The following CELF5 variants were observed in gnomAD, a reference collection of about 807,000 sequenced individuals.
CELF5 encodes CUG-BP and ETR-3 like factor 5.
In CELF5, 6 loss-of-function variants were observed where a neutral mutation model predicts 54.9. That is an observed-to-expected ratio of 0.11 (90% CI 0.06 to 0.22). The LOEUF is 0.22. Ranked by LOEUF, CELF5 falls within the 10% of genes least tolerant of loss-of-function variation. CELF5 has a pLI of 1.00. For synonymous variants in CELF5, 271 were observed against 290.9 expected (o/e 0.93, Z 0.70); for missense variants, 401 against 678.6 (o/e 0.59, Z 4.54).
chr19:3,247,021 C>A (rs544552569), intron 1 of CELF5, among the ~76,000 whole-genome samples: 1 of 152,282 alleles, frequency 6.6e-6, no homozygotes, highest in East Asian at 1.9e-4. Context: ...GTGGGGACAC[C>A]ATCGTGAAGG....
intron 5 of CELF5, among the ~76,000 whole-genome samples, chr19:3,279,052 G>A (rs1159066264): frequency 6.6e-6 from 1 of 152,190 alleles, no homozygotes; most frequent in African/African-American, 2.4e-5. Flanking sequence ...TCCCTTTGGG[G>A]CTAATGTAGA....
At chr19:3,245,006 CGT>C (rs2079545336) in intron 1 of CELF5, among the ~76,000 whole-genome samples, 1 of 114,722 alleles carries the variant, frequency 8.7e-6, no homozygotes, top group Non-Finnish European at 1.8e-5. Flanking sequence ...TGCATCTGTG[CGT>C]GTGTGTGTAG....
intron 1 of CELF5, among the ~76,000 whole-genome samples, chr19:3,244,173 C>T (rs1164224528): frequency 2.0e-5 from 3 of 151,966 alleles, no homozygotes; most frequent in African/African-American, 7.3e-5. Flanking sequence ...CAAGAGATCA[C>T]GGAAGCCATA....
rs2080095866 is a variant in CELF5 at position 3,278,600 on chromosome 19, G to T, written c.603+490G>T. On this transcript the variant is annotated intron_variant, in intron 5 of 12. Coordinates refer to ENST00000292672, the MANE Select transcript of CELF5 (RefSeq NM_021938.4). This position sits in a 1 kb window ranked among gnomAD's most constrained non-coding sequence, Gnocchi z 4.5. ...TGTACATGTGTGTTTCTATGTGTGT[G>T]AGCGTGTGTGTGAGTATGCCTGGGC... is the stretch of plus-strand genomic sequence containing the variant. 6.6e-6 allele frequency among the ~76,000 whole-genome samples: 1 copy of T among 152,054 alleles called. No individual in the cohort carries two copies. The highest frequency in any genetic ancestry group is 2.4e-5 in the African/African-American group (1 of 41,394).
chr19:3,276,831 T>A, intron 4 of CELF5, among the ~76,000 whole-genome samples: 1 of 89,308 alleles, frequency 1.1e-5, no homozygotes, highest in East Asian at 3.9e-4. Context: ...CTCCAGGTGC[T>A]GCCTGTGAGT....
intron 1 of CELF5, among the ~76,000 whole-genome samples, chr19:3,242,813 A>T (rs547141267): frequency 4.6e-5 from 7 of 152,184 alleles, no homozygotes; most frequent in South Asian, 4.2e-4. Context: ...CTAAAAAAAA[A>T]ATTAGCTGGG....
At chr19:3,226,677 C>A (rs1488640141) in intron 1 of CELF5, among the ~76,000 whole-genome samples, 1 of 151,980 alleles carries the variant, frequency 6.6e-6, no homozygotes, top group African/African-American at 2.4e-5. Flanking sequence ...GCCCCCCAAA[C>A]GGTTGCATTG....
At chr19:3,229,435 A>T (rs1036356922) in intron 1 of CELF5, among the ~76,000 whole-genome samples, 2 of 152,172 alleles carry the variant, frequency 1.3e-5, no homozygotes, top group Non-Finnish European at 2.9e-5. Context: ...TGATGGCAAA[A>T]CACACACCAG....
At chr19:3,270,251 C>T (rs796546350) in intron 2 of CELF5, among the ~76,000 whole-genome samples, 5 of 152,170 alleles carry the variant, frequency 3.3e-5, no homozygotes, top group African/African-American at 1.2e-4. Context: ...GGCCCCAGAA[C>T]CAGAGAGTCA....
chr19:3,294,754 G>C (rs549734153), intron 12 of CELF5: 1 of 152,162 alleles, frequency 6.6e-6, no homozygotes, highest in Non-Finnish European at 1.5e-5. Flanking sequence ...CCCCCTTCAC[G>C]GGCCTTAGAT....
rs3046138 is a variant in CELF5, at chr19:3,278,679, TTG to T, written c.603+589_603+590del. Among the ~76,000 whole-genome samples, 4,824 of 148,848 alleles carry T rather than the reference TTG, an allele frequency of 0.032. 173 individuals are homozygous for T. The highest frequency in any genetic ancestry group is 0.13 in the East Asian group (640 of 5,050). On this transcript the variant is annotated intron_variant, in intron 5 of 12. Coordinates refer to ENST00000292672, the MANE Select transcript of CELF5 (RefSeq NM_021938.4). The surrounding 1 kb of genome is among the most constrained non-coding windows in gnomAD (Gnocchi z 4.5). Reference sequence around the variant, plus strand: ...TCTGCAGGTGCATTTGTGGGCAGGTTTGTGTGTGTGTGTGTGTGTGTTTGTGT... The same window carrying T: ...TCTGCAGGTGCATTTGTGGGCAGGTTTGTGTGTGTGTGTGTGTGTTTGTGT...
rs1023636175 is a variant in CELF5, at chr19:3,275,584, A to C, written c.395-272A>C. 6.6e-6 allele frequency among the ~76,000 whole-genome samples: 1 copy of C among 152,212 alleles called. No individual in the cohort carries two copies. Among genetic ancestry groups the C allele is most frequent in the African/African-American group, 2.4e-5 (1 of 41,456 alleles). ...GGGGGAGCAGTGGAGCAGAGACCCC[A>C]AAAGACTGCAGGGAGGGCATTCCAG... On this transcript the variant is annotated intron_variant, in intron 3 of 12. Coordinates refer to ENST00000292672, the MANE Select transcript of CELF5 (RefSeq NM_021938.4). The surrounding 1 kb of genome is among the most constrained non-coding windows in gnomAD (Gnocchi z 6.7).
intron 11 of CELF5, among the ~76,000 whole-genome samples, chr19:3,291,350 G>A (rs1258668596): frequency 6.6e-6 from 1 of 151,912 alleles, no homozygotes; most frequent in Non-Finnish European, 1.5e-5. Flanking sequence ...TGGTTCACGA[G>A]GTCAGAAGAT....
chr19:3,269,266 C>T (rs1229850759), intron 2 of CELF5, among the ~76,000 whole-genome samples: 1 of 152,186 alleles, frequency 6.6e-6, no homozygotes. Context: ...CCCTCTGCCT[C>T]CCGGGTTCAA....
At position 3,293,245 on chromosome 19, in the gene CELF5, C is replaced by A; in HGVS notation, c.1331-74C>A. On this transcript the variant is annotated intron_variant, in intron 11 of 12. Transcript: ENST00000292672. Reference sequence around the variant, plus strand: ...GCTCAGGACCCCGTGAGCCGGGAAGCCAGGGCCACAGCATAGGAACAAGCC... The same window carrying A: ...GCTCAGGACCCCGTGAGCCGGGAAGACAGGGCCACAGCATAGGAACAAGCC... 1.9e-6 allele frequency: 3 copies of A among 1,584,452 alleles called. No individual in the cohort carries two copies. In the South Asian group the frequency reaches 3.5e-5, roughly 18 times the overall value.
chr19:3,235,448 T>G (rs1343922082), intron 1 of CELF5, among the ~76,000 whole-genome samples: 4 of 126,026 alleles, frequency 3.2e-5, no homozygotes, highest in Non-Finnish European at 5.1e-5. Context: ...TGTACTGCTG[T>G]GTCACCAGTG....
intron 1 of CELF5, among the ~76,000 whole-genome samples, chr19:3,236,908 G>T (rs191190255): frequency 6.6e-6 from 1 of 151,128 alleles, no homozygotes; most frequent in Admixed American, 6.6e-5. Flanking sequence ...AGAATCGCTT[G>T]AACCCGGGAG....
chr19:3,296,434 G>GAAAAAAAAAAAAAAAAAAA (rs5826810), intron 12 of CELF5: 42 of 54,836 alleles, frequency 7.7e-4, no homozygotes, highest in East Asian at 1.9e-3. Context: ...AAACCACACA[G>GAAAAAAAAAAAAAAAAAAA]AAAAAAAAAA....
At chr19:3,241,373 G>A (rs1335918660) in intron 1 of CELF5, among the ~76,000 whole-genome samples, 6 of 151,992 alleles carry the variant, frequency 3.9e-5, no homozygotes, top group South Asian at 2.1e-4. Context: ...GAGCCACCGC[G>A]CCCGGCCTAA....
Sources: allele counts gnomAD v4.1 joint callset (sites outside exome capture counted in the v4.1 genomes callset), GRCh38; gene constraint gnomAD v4.1.1; non-coding constraint Gnocchi (gnomAD v3.1); transcripts MANE v1.5; gene names NCBI Gene and HGNC (gene_info 2026-07-23, HGNC 2026-07-21).